Variants in DRC11 observed in about 807,000 individuals in gnomAD.
DRC11 encodes dynein regulatory complex subunit 11.
chr2:236,383,536 G>C, the DRC11 span, among the ~76,000 whole-genome samples: 1 of 151,288 alleles, frequency 6.6e-6, no homozygotes, highest in Non-Finnish European at 1.5e-5. Context: ...TTGGTTATTT[G>C]AGATTGTTCT....
the DRC11 span, among the ~76,000 whole-genome samples, chr2:236,358,268 AATATATAG>A: frequency 7.5e-6 from 1 of 133,546 alleles, no homozygotes; most frequent in African/African-American, 2.9e-5. Context: ...ATGAATATAT[AATATATAG>A]ATATATATAC....
chr2:236,366,790 T>TCTCC, the DRC11 span, among the ~76,000 whole-genome samples: 1 of 116,292 alleles, frequency 8.6e-6, no homozygotes, highest in African/African-American at 3.3e-5. Flanking sequence ...TCCCTCTCCC[T>TCTCC]CTCCCTCCCT....
chr2:236,329,353 T>C, the DRC11 span, among the ~76,000 whole-genome samples: 1 of 152,212 alleles, frequency 6.6e-6, no homozygotes, highest in African/African-American at 2.4e-5. Flanking sequence ...CATATCTCAG[T>C]TTCCTCATGT....
chr2:236,379,322 C>CAAGGGA, the DRC11 span, among the ~76,000 whole-genome samples: 13 of 134,680 alleles, frequency 9.7e-5, 1 homozygote, highest in African/African-American at 3.5e-4. Context: ...GCGACAGGAC[C>CAAGGGA]AAGGGGAGGG....
At chr2:236,387,408 A>G in the DRC11 span, among the ~76,000 whole-genome samples, 26 of 151,356 alleles carry the variant, frequency 1.7e-4, no homozygotes, top group South Asian at 2.9e-3. Flanking sequence ...TCCCTTTACC[A>G]TTATGTAATG....
At chr2:236,472,448 T>G in the DRC11 span, among the ~76,000 whole-genome samples, 1 of 152,176 alleles carries the variant, frequency 6.6e-6, no homozygotes, top group Non-Finnish European at 1.5e-5. This position sits in a 1 kb window ranked among gnomAD's most constrained non-coding sequence, Gnocchi z 4.6. Context: ...CAGTATATGA[T>G]GACAAAGGCC....
At chr2:236,333,278 A>C in the DRC11 span, 1 of 98,194 alleles carries the variant, frequency 1.0e-5, no homozygotes, top group Non-Finnish European at 2.1e-5. The surrounding 1 kb of genome is among the most constrained non-coding windows in gnomAD (Gnocchi z 6.0). Context: ...AATAGGCTAC[A>C]AGAGTGTTTC....
the DRC11 span, among the ~76,000 whole-genome samples, chr2:236,373,402 C>A: frequency 6.6e-6 from 1 of 152,124 alleles, no homozygotes; most frequent in East Asian, 1.9e-4. Flanking sequence ...AGGTGTGTGC[C>A]ATCACACCTG....
chr2:236,318,464 G>A, the DRC11 span, among the ~76,000 whole-genome samples: 1 of 152,048 alleles, frequency 6.6e-6, no homozygotes, highest in African/African-American at 2.4e-5. The surrounding 1 kb of genome is among the most constrained non-coding windows in gnomAD (Gnocchi z 7.0). Flanking sequence ...GGGTGTTGAT[G>A]TGTTTGCATG....
the DRC11 span, chr2:236,368,836 A>T: frequency 1.3e-5 from 2 of 152,796 alleles, no homozygotes; most frequent in Non-Finnish European, 2.9e-5. Context: ...TTTGAGGGTA[A>T]TATTCATTTA....
At chr2:236,320,828 G>A in the DRC11 span, among the ~76,000 whole-genome samples, 239 of 139,188 alleles carry the variant, frequency 1.7e-3, 1 homozygote, top group African/African-American at 4.7e-3. Flanking sequence ...CGGTCCCTCC[G>A]CCGGTACCCC....
the DRC11 span, among the ~76,000 whole-genome samples, chr2:236,469,189 T>C: frequency 1.3e-5 from 2 of 152,332 alleles, no homozygotes; most frequent in East Asian, 3.9e-4. This position sits in a 1 kb window ranked among gnomAD's most constrained non-coding sequence, Gnocchi z 5.8. Context: ...TCCACATCTA[T>C]TTTTATTTTA....
At chr2:236,368,316 AAC>A in the DRC11 span, 1 of 1,465,140 alleles carries the variant, frequency 6.8e-7, no homozygotes, top group Admixed American at 1.9e-5. Flanking sequence ...AGAGAAAAGA[AAC>A]AGAGGAACAA....
chr2:236,482,021 A>C, the DRC11 span, among the ~76,000 whole-genome samples: 1 of 148,720 alleles, frequency 6.7e-6, no homozygotes, highest in South Asian at 2.1e-4. The surrounding 1 kb of genome is among the most constrained non-coding windows in gnomAD (Gnocchi z 4.5). Context: ...AATTCTACAT[A>C]TTATATGTAT....
the DRC11 span, among the ~76,000 whole-genome samples, chr2:236,375,347 C>T: frequency 6.6e-6 from 1 of 152,146 alleles, no homozygotes; most frequent in African/African-American, 2.4e-5. This position sits in a 1 kb window ranked among gnomAD's most constrained non-coding sequence, Gnocchi z 4.2. Context: ...TGAGAATCTA[C>T]CACGTGCCAG....
chr2:236,464,644 A>G, the DRC11 span, among the ~76,000 whole-genome samples: 1 of 152,038 alleles, frequency 6.6e-6, no homozygotes, highest in African/African-American at 2.4e-5. Flanking sequence ...CTATCTACCC[A>G]TCTGATAAAG....
the DRC11 span, among the ~76,000 whole-genome samples, chr2:236,472,458 C>T: frequency 6.6e-6 from 1 of 152,136 alleles, no homozygotes; most frequent in African/African-American, 2.4e-5. This position sits in a 1 kb window ranked among gnomAD's most constrained non-coding sequence, Gnocchi z 4.6. Context: ...TGACAAAGGC[C>T]AGGACGTTTT....
At chr2:236,330,956 AC>A in the DRC11 span, among the ~76,000 whole-genome samples, 1 of 152,226 alleles carries the variant, frequency 6.6e-6, no homozygotes, top group Non-Finnish European at 1.5e-5. The surrounding 1 kb of genome is among the most constrained non-coding windows in gnomAD (Gnocchi z 5.5). Context: ...AAACTGAAAA[AC>A]AAAGTGTTCC....
At chr2:236,487,792 T>C in the DRC11 span, among the ~76,000 whole-genome samples, 1 of 152,256 alleles carries the variant, frequency 6.6e-6, no homozygotes, top group African/African-American at 2.4e-5. Context: ...CTGAGTTTAG[T>C]ACCTATTTAG....
Sources: allele counts gnomAD v4.1 joint callset (sites outside exome capture counted in the v4.1 genomes callset), GRCh38; gene constraint gnomAD v4.1.1; non-coding constraint Gnocchi (gnomAD v3.1); transcripts MANE v1.5; gene names NCBI Gene and HGNC (gene_info 2026-07-23, HGNC 2026-07-21).